The following KIAA0319L variants were observed in gnomAD, a reference collection of about 807,000 sequenced individuals.
The protein encoded by KIAA0319L is KIAA0319 like.
In KIAA0319L, 55 loss-of-function variants were observed where a neutral mutation model predicts 120.1. The ratio of observed to expected loss-of-function variants is 0.46; its 90% confidence interval spans 0.37 to 0.57. KIAA0319L has a LOEUF of 0.57. Among genes scored for constraint, KIAA0319L ranks in the 20% least tolerant of loss-of-function variants. The pLI is 0.00. For synonymous variants in KIAA0319L, 398 were observed against 471.9 expected, an observed-to-expected ratio of 0.84 and a Z score of 2.03; for missense variants, 1,049 against 1,255.3, an observed-to-expected ratio of 0.84 and a Z score of 2.48.
intron 7 of KIAA0319L, among the ~76,000 whole-genome samples, chr1:35,463,203 G>T (rs1318244667): frequency 6.6e-6 from 1 of 152,158 alleles, no homozygotes; most frequent in South Asian, 2.1e-4. Context: ...CACCACACAG[G>T]AGAGTCACAA....
At chr1:35,519,837 T>C (rs922056083) in intron 2 of KIAA0319L, among the ~76,000 whole-genome samples, 4 of 152,204 alleles carry the variant, frequency 2.6e-5, no homozygotes, top group African/African-American at 9.6e-5. Context: ...CTTATTCAGC[T>C]CCAATTCTAT....
chr1:35,529,905 T>C (rs1320701112), intron 2 of KIAA0319L, among the ~76,000 whole-genome samples: 1 of 152,162 alleles, frequency 6.6e-6, no homozygotes, highest in Non-Finnish European at 1.5e-5. Context: ...TTCTATGCCA[T>C]TAAACTTCTC....
intron 3 of KIAA0319L, among the ~76,000 whole-genome samples, chr1:35,503,786 C>T (rs1645097243): frequency 6.6e-6 from 1 of 152,134 alleles, no homozygotes; most frequent in African/African-American, 2.4e-5. Context: ...AGACCAACTA[C>T]TCCTCTTCCT....
chr1:35,460,119 A>G (rs1200229527), intron 9 of KIAA0319L, among the ~76,000 whole-genome samples, 186 bp downstream of exon 9: 1 of 152,212 alleles, frequency 6.6e-6, no homozygotes, highest in African/African-American at 2.4e-5. Context: ...CCTTTGCCCT[A>G]AAAAGTTACC....
At chr1:35,523,014 T>TAAAAA (rs58518920) in intron 2 of KIAA0319L, among the ~76,000 whole-genome samples, 33 of 62,512 alleles carry the variant, frequency 5.3e-4, no homozygotes, top group African/African-American at 1.6e-3. Context: ...AAACTCCACA[T>TAAAAA]AAAAAAAAAA....
intron 2 of KIAA0319L, among the ~76,000 whole-genome samples, chr1:35,509,002 T>C (rs1645316401): frequency 6.6e-6 from 1 of 152,132 alleles, no homozygotes; most frequent in Non-Finnish European, 1.5e-5. Flanking sequence ...AAAGCAACTG[T>C]TTTTAGACAC....
chr1:35,435,106 C>A lies in KIAA0319L; in HGVS notation c.2963-25G>T, dbSNP rs756516251. ...CCTGCAGGGAAAACAAGGAATCCAGCATCAGGAGACTGGCCTCAAGGCTGG... is the reference window on the plus strand; with the variant it reads ...CCTGCAGGGAAAACAAGGAATCCAGAATCAGGAGACTGGCCTCAAGGCTGG... On this transcript the variant is annotated intron_variant, in intron 20 of 20. Coordinates refer to ENST00000325722, the MANE Select transcript of KIAA0319L (RefSeq NM_024874.5). 2.5e-6 allele frequency: 4 copies of A among 1,605,820 alleles called. No homozygotes were observed. In the East Asian group the frequency reaches 6.7e-5, roughly 27 times the overall value.
intron 3 of KIAA0319L, among the ~76,000 whole-genome samples, chr1:35,479,944 A>G (rs1644078739): frequency 1.3e-5 from 1 of 78,334 alleles, no homozygotes; most frequent in Non-Finnish European, 2.4e-5. Flanking sequence ...GTTTATGATG[A>G]GCCAAAAAAA....
chr1:35,544,850 A>C (rs906260452), intron 2 of KIAA0319L, among the ~76,000 whole-genome samples: 1 of 152,238 alleles, frequency 6.6e-6, no homozygotes, highest in Non-Finnish European at 1.5e-5. Flanking sequence ...GTTTTTAGTC[A>C]GGAGATAACA....
At chr1:35,525,052 C>G (rs939618660) in intron 2 of KIAA0319L, among the ~76,000 whole-genome samples, 2 of 152,150 alleles carry the variant, frequency 1.3e-5, no homozygotes, top group Non-Finnish European at 2.9e-5. Flanking sequence ...TACTCCCTAT[C>G]TTCATGAGAT....
rs911158002 is a variant in KIAA0319L, at chr1:35,451,615, G to A, written c.2062+13C>T. 1 of 1,612,664 alleles carries A rather than the reference G, an allele frequency of 6.2e-7. No individual in the cohort carries two copies. The highest frequency in any genetic ancestry group is 1.3e-5 in the African/African-American group (1 of 74,884). On this transcript the variant is annotated intron_variant, in intron 13 of 20. Transcript: ENST00000325722. The stretch of plus-strand genomic sequence containing the variant: ...CTAAGAGGCTGCTACACAAACTGGA[G>A]GCAGAGAGGTACCTTCTTTGACAAT...
intron 3 of KIAA0319L, among the ~76,000 whole-genome samples, chr1:35,496,946 C>CAAAAA (rs1558484218): frequency 3.1e-5 from 2 of 64,370 alleles, no homozygotes; most frequent in African/African-American, 1.2e-4. Flanking sequence ...GATTGTGTCT[C>CAAAAA]CAAAAAAAAA....
intron 3 of KIAA0319L, among the ~76,000 whole-genome samples, chr1:35,492,729 T>C (rs570970742): frequency 1.7e-4 from 26 of 152,208 alleles, no homozygotes; most frequent in Non-Finnish European, 3.5e-4. Flanking sequence ...AAACTAGGAA[T>C]AGAAAAATTC....
intron 2 of KIAA0319L, among the ~76,000 whole-genome samples, chr1:35,526,372 CATAT>C (rs1291162092): frequency 1.6e-5 from 2 of 128,232 alleles, no homozygotes; most frequent in African/African-American, 3.1e-5. Flanking sequence ...TATATACATA[CATAT>C]ATATATACAT....
In KIAA0319L at chr1:35,478,110, G is replaced by C. The variant is rs868212786; in HGVS notation, c.913+856C>G. Among the ~76,000 whole-genome samples the C allele has an allele frequency of 7.2e-5, 11 of 152,286 alleles. No homozygotes were observed. In the South Asian group the frequency reaches 2.1e-3, roughly 29 times the overall value. Reference sequence around the variant, plus strand: ...TTTGTCATTTCCAACAACATGGATGGAACTGGAGGTCATTATGTTAGGTGA... The same window carrying C: ...TTTGTCATTTCCAACAACATGGATGCAACTGGAGGTCATTATGTTAGGTGA... On this transcript the variant is annotated intron_variant, in intron 4 of 20. Coordinates refer to ENST00000325722, the MANE Select transcript of KIAA0319L (RefSeq NM_024874.5).
chr1:35,531,385 C>T (rs920844591), intron 2 of KIAA0319L, among the ~76,000 whole-genome samples: 6 of 152,106 alleles, frequency 3.9e-5, no homozygotes, highest in South Asian at 4.1e-4. Context: ...TAGGCAGATA[C>T]GAGGGAATGT....
chr1:35,497,006 T>C (rs1042560906), intron 3 of KIAA0319L, among the ~76,000 whole-genome samples: 1 of 133,980 alleles, frequency 7.5e-6, no homozygotes, highest in Non-Finnish European at 1.6e-5. Flanking sequence ...TGAATGGACA[T>C]AAAAACATTA....
chr1:35,443,178 TTCTCA>T (rs1641353928), intron 17 of KIAA0319L, 150 bp from the exon 18 acceptor site: 2 of 837,416 alleles, frequency 2.4e-6, no homozygotes, highest in Admixed American at 5.2e-5. Flanking sequence ...GTGCCTGCCT[TTCTCA>T]TCTCGACTGG....
At position 35,479,029 on chromosome 1, in the gene KIAA0319L, A is replaced by T; in HGVS notation, c.850T>A (p.Ser284Thr). The change falls in exon 4 of 21, where the codon TCC (serine) becomes ACC (threonine). Residue 284 changes from serine (S) to threonine (T), a missense_variant. By Grantham distance (58) the Ser-to-Thr change is moderately conservative (BLOSUM62 1). Coordinates refer to ENST00000325722, the MANE Select transcript of KIAA0319L (RefSeq NM_024874.5). ...QIAVPQPVAP[S>T]YSYATPTPQA... is the part of the protein sequence containing the mutation. ...GGGGTAGGGGTAGCATAACTGTAGG[A>T]GGGAGCCACTGGCTGGGGGACAGCA... is the stretch of plus-strand genomic sequence containing the variant. 1.2e-6 allele frequency: 2 copies of T among 1,614,110 alleles called. No individual in the cohort carries two copies. The highest frequency in any genetic ancestry group is 1.7e-6 in the Non-Finnish European group (2 of 1,179,998).
Sources: gnomAD v4.1 joint callset for allele counts (sites outside exome capture counted in the v4.1 genomes callset) on GRCh38, gnomAD v4.1.1 for gene constraint, MANE v1.5 for transcripts, NCBI Gene and HGNC (gene_info 2026-07-23, HGNC 2026-07-21) for gene names.